The following CCSER1 variants were observed in gnomAD, a reference collection of about 807,000 sequenced individuals.
The protein encoded by CCSER1 is coiled-coil serine rich protein 1.
CCSER1 carries 41 observed loss-of-function variants against 82.0 expected under a neutral mutation model. The observed-to-expected ratio is 0.50, with a 90% CI of 0.39 to 0.65. The LOEUF (loss-of-function observed/expected upper bound fraction) is 0.65, where lower values mean the gene tolerates loss of function less well. CCSER1 is among the 30% of genes least tolerant of loss of function. The pLI is 0.00. For missense variants in CCSER1, 1,119 were observed against 1,064.2 expected (o/e 1.05, Z -0.72); for synonymous variants, 414 against 383.9 (o/e 1.08, Z -0.92).
At chr4:90,747,656 A>G (rs1479080808) in intron 7 of CCSER1, among the ~76,000 whole-genome samples, 2 of 151,020 alleles carry the variant, frequency 1.3e-5, no homozygotes, top group African/African-American at 2.4e-5. Context: ...TCTTTTTTTA[A>G]ATTTTATTAT....
intron 10 of CCSER1, among the ~76,000 whole-genome samples, chr4:91,458,473 T>A (rs1371566599): frequency 6.6e-6 from 1 of 152,154 alleles, no homozygotes; most frequent in Admixed American, 6.6e-5. Context: ...CCAGGTTTGT[T>A]CTTTTTGCTC....
chr4:90,635,678 T>C (rs149370065), intron 6 of CCSER1, among the ~76,000 whole-genome samples: 4 of 151,902 alleles, frequency 2.6e-5, no homozygotes, highest in South Asian at 2.1e-4. Flanking sequence ...AAAAAAACAG[T>C]TGAATAGAAA....
intron 5 of CCSER1, among the ~76,000 whole-genome samples, chr4:90,603,757 T>G (rs1236408066): frequency 3.9e-5 from 6 of 152,138 alleles, no homozygotes; most frequent in Admixed American, 3.3e-4. Context: ...GATACCAAAT[T>G]ACTCTCCAAA....
At chr4:91,087,403 C>G (rs1723495181) in intron 10 of CCSER1, among the ~76,000 whole-genome samples, 1 of 152,018 alleles carries the variant, frequency 6.6e-6, no homozygotes, top group African/African-American at 2.4e-5. Flanking sequence ...TTTTTAAATG[C>G]ATAATGATTG....
In CCSER1 at chr4:90,549,110, G is replaced by A. The variant is rs182302990; in HGVS notation, c.1725-78915G>A. 3.9e-5 allele frequency among the ~76,000 whole-genome samples: 6 copies of A among 152,274 alleles called. No individual in the cohort carries two copies. The East Asian group carries it at 9.6e-4, about 24-fold the overall frequency. On this transcript the variant is annotated intron_variant, in intron 5 of 10. Transcript: ENST00000509176. Reference sequence around the variant, plus strand: ...ATATGTGATGCCCAACCACAATAGTGTGAGCATTTTTCACTAATCATCCAC... The same window carrying A: ...ATATGTGATGCCCAACCACAATAGTATGAGCATTTTTCACTAATCATCCAC...
chr4:91,455,693 C>T (rs899309588), intron 10 of CCSER1, among the ~76,000 whole-genome samples: 2 of 152,012 alleles, frequency 1.3e-5, no homozygotes, highest in Admixed American at 1.3e-4. Flanking sequence ...GTGATTATGC[C>T]TTTTCTTTGG....
At chr4:90,474,476 G>C (rs1764802311) in intron 5 of CCSER1, among the ~76,000 whole-genome samples, 1 of 152,178 alleles carries the variant, frequency 6.6e-6, no homozygotes, top group Non-Finnish European at 1.5e-5. Context: ...GAACGAATTA[G>C]ATGTGGTTGG....
At chr4:90,961,123 T>G (rs1266278736) in intron 9 of CCSER1, among the ~76,000 whole-genome samples, 1 of 152,150 alleles carries the variant, frequency 6.6e-6, no homozygotes, top group East Asian at 1.9e-4. Flanking sequence ...AGATGCTACT[T>G]TATCCTGTTC....
At chr4:90,313,722 G>C (rs1735700368) in intron 3 of CCSER1, among the ~76,000 whole-genome samples, 1 of 152,074 alleles carries the variant, frequency 6.6e-6, no homozygotes. Context: ...GTATGAGATG[G>C]ACCCAGGGGT....
intron 7 of CCSER1, among the ~76,000 whole-genome samples, chr4:90,766,411 GC>G (rs879901017): frequency 4.6e-5 from 7 of 152,092 alleles, no homozygotes; most frequent in Non-Finnish European, 1.0e-4. Flanking sequence ...ATATCTGAAT[GC>G]TCACCCAGAA....
chr4:90,928,024 A>G (rs1026292231), intron 9 of CCSER1, among the ~76,000 whole-genome samples: 3 of 151,998 alleles, frequency 2.0e-5, no homozygotes, highest in Non-Finnish European at 4.4e-5. Flanking sequence ...TATTACTTCT[A>G]TCTTCTTAAA....
At chr4:90,838,859 A>G in intron 8 of CCSER1, 1 of 1,610,208 alleles carries the variant, frequency 6.2e-7, no homozygotes, top group Non-Finnish European at 8.5e-7. Flanking sequence ...ATAAGAAGGC[A>G]ATGCTTGTGG....
chr4:91,058,582 T>C (rs1367189906), intron 9 of CCSER1, among the ~76,000 whole-genome samples: 1 of 152,116 alleles, frequency 6.6e-6, no homozygotes, highest in Admixed American at 6.6e-5. Context: ...TATTATTTAC[T>C]CAAAAATAAC....
At chr4:91,153,470 T>C (rs2148958980) in intron 10 of CCSER1, among the ~76,000 whole-genome samples, 1 of 151,916 alleles carries the variant, frequency 6.6e-6, no homozygotes, top group Admixed American at 6.6e-5. Context: ...TCCTTTAGCT[T>C]AGAGAAGTTT....
intron 10 of CCSER1, among the ~76,000 whole-genome samples, chr4:91,332,001 G>A (rs1379850781): frequency 6.6e-6 from 1 of 152,054 alleles, no homozygotes; most frequent in Admixed American, 6.6e-5. Context: ...GCAATTTGAT[G>A]TCAATATAAA....
intron 1 of CCSER1, among the ~76,000 whole-genome samples, chr4:90,255,639 T>C (rs1364480959): frequency 6.6e-6 from 1 of 150,956 alleles, no homozygotes; most frequent in African/African-American, 2.5e-5. Flanking sequence ...AAATAAGTTT[T>C]ACAAAAACTA....
intron 4 of CCSER1, among the ~76,000 whole-genome samples, chr4:90,458,304 C>T (rs1762441767): frequency 6.6e-6 from 1 of 152,174 alleles, no homozygotes; most frequent in Non-Finnish European, 1.5e-5. Context: ...TTCACAGCCA[C>T]CACTCCACAT....
intron 10 of CCSER1, among the ~76,000 whole-genome samples, chr4:91,256,570 T>C (rs1002815174): frequency 6.6e-6 from 1 of 152,118 alleles, no homozygotes; most frequent in Non-Finnish European, 1.5e-5. Flanking sequence ...GCTTTAAAAT[T>C]TCTCCCTTTT....
At chr4:90,217,021 A>G in intron 1 of CCSER1, among the ~76,000 whole-genome samples, 1 of 152,028 alleles carries the variant, frequency 6.6e-6, no homozygotes, top group Non-Finnish European at 1.5e-5. Flanking sequence ...ATTTATTCCT[A>G]GGTATTTAAT....
Sources: allele counts gnomAD v4.1 joint callset (sites outside exome capture counted in the v4.1 genomes callset), GRCh38; gene constraint gnomAD v4.1.1; transcripts MANE v1.5; gene names NCBI Gene and HGNC (gene_info 2026-07-23, HGNC 2026-07-21).